The following LINGO2 variants were observed in gnomAD, a reference collection of about 807,000 sequenced individuals.
LINGO2 encodes leucine-rich repeat and immunoglobulin-like domain-containing nogo receptor-interacting protein 2.
In LINGO2, 14 loss-of-function variants were observed where a neutral mutation model predicts 30.6. That is an observed-to-expected ratio of 0.46 (90% CI 0.30 to 0.72). The LOEUF is 0.72. Among genes scored for constraint, LINGO2 ranks in the 30% least tolerant of loss-of-function variants. LINGO2 has a pLI of 0.07. For synonymous variants in LINGO2, 317 were observed against 288.5 expected, an observed-to-expected ratio of 1.10 and a Z score of -1.00; for missense variants, 729 against 751.7, an observed-to-expected ratio of 0.97 and a Z score of 0.35.
the LINGO2 span, among the ~76,000 whole-genome samples, chr9:29,107,119 C>T: frequency 3.9e-5 from 6 of 152,038 alleles, no homozygotes; most frequent in Non-Finnish European, 8.8e-5. Context: ...TATGTAACAT[C>T]ACATAAATAA....
the LINGO2 span, among the ~76,000 whole-genome samples, chr9:28,761,091 G>A: frequency 5.7e-4 from 86 of 151,682 alleles, 2 homozygotes; most frequent in South Asian, 0.016. Context: ...TATCTTTTTC[G>A]AATAATGACT....
chr9:28,223,873 T>C (rs1821051523), intron 4 of LINGO2, among the ~76,000 whole-genome samples: 1 of 152,168 alleles, frequency 6.6e-6, no homozygotes, highest in Non-Finnish European at 1.5e-5. Context: ...TCAAGAGTAT[T>C]TAGCCCCCAA....
At chr9:28,590,500 T>C (rs977958138) in intron 1 of LINGO2, among the ~76,000 whole-genome samples, 6 of 151,786 alleles carry the variant, frequency 4.0e-5, no homozygotes, top group African/African-American at 7.3e-5. Context: ...GGGCGAAGGA[T>C]ATGAACAGAC....
the LINGO2 span, among the ~76,000 whole-genome samples, chr9:28,918,646 A>G: frequency 7.2e-5 from 11 of 152,214 alleles, no homozygotes; most frequent in Non-Finnish European, 1.5e-4. Context: ...ATTAAAATGT[A>G]TTAAAATGGA....
chr9:29,211,118 T>G, the LINGO2 span, among the ~76,000 whole-genome samples: 1 of 152,188 alleles, frequency 6.6e-6, no homozygotes, highest in African/African-American at 2.4e-5. Context: ...ATTCTAAATA[T>G]TCGTCTTTGT....
At chr9:28,226,436 G>T (rs1036474519) in intron 4 of LINGO2, among the ~76,000 whole-genome samples, 1 of 151,840 alleles carries the variant, frequency 6.6e-6, no homozygotes, top group African/African-American at 2.4e-5. Flanking sequence ...ATGCACGTCT[G>T]CTATATTAAT....
At chr9:28,647,103 C>T (rs988291492) in intron 1 of LINGO2, among the ~76,000 whole-genome samples, 1 of 152,090 alleles carries the variant, frequency 6.6e-6, no homozygotes, top group Admixed American at 6.6e-5. Context: ...GCCACTGCTG[C>T]CTCTACTGCT....
In LINGO2 at chr9:27,981,534, C is replaced by CAAAAAAAAAAAAAAAAAAAAAAAAAAAAA. The variant is rs763284293; in HGVS notation, c.-36+30820_-36+30821insTTTTTTTTTTTTTTTTTTTTTTTTTTTTT. Among the ~76,000 whole-genome samples the CAAAAAAAAAAAAAAAAAAAAAAAAAAAAA allele has an allele frequency of 7.8e-4, 31 of 39,840 alleles. 1 individual carries two copies. Among genetic ancestry groups the CAAAAAAAAAAAAAAAAAAAAAAAAAAAAA allele is most frequent in the Non-Finnish European group, 9.6e-4 (18 of 18,702 alleles). The allele number at this position is 39,840 out of a possible 152,430, so 26.1% of individuals were successfully genotyped here. On this transcript the variant is annotated intron_variant, in intron 5 of 5. Coordinates refer to ENST00000379992, the Ensembl canonical transcript of LINGO2. ...ATGAAAGGATAAATGACGAGGATGG[C>CAAAAAAAAAAAAAAAAAAAAAAAAAAAAA]AAAAAAAAAAAAAAAAGAAAAAAAA...
At chr9:28,773,858 C>T in the LINGO2 span, among the ~76,000 whole-genome samples, 1 of 152,084 alleles carries the variant, frequency 6.6e-6, no homozygotes, top group South Asian at 2.1e-4. Flanking sequence ...TCCTGTGAAA[C>T]TCACGCTACA....
At chr9:28,990,499 G>A in the LINGO2 span, among the ~76,000 whole-genome samples, 1 of 152,206 alleles carries the variant, frequency 6.6e-6, no homozygotes, top group Non-Finnish European at 1.5e-5. Flanking sequence ...TTTGAAGAGA[G>A]CAGTGGTTCT....
the LINGO2 span, among the ~76,000 whole-genome samples, chr9:28,687,953 G>C: frequency 6.6e-6 from 1 of 152,140 alleles, no homozygotes; most frequent in Non-Finnish European, 1.5e-5. Context: ...GAATGGGAAA[G>C]AGGAGAAATG....
intron 4 of LINGO2, among the ~76,000 whole-genome samples, chr9:28,142,790 C>G (rs1827710086): frequency 6.6e-6 from 1 of 152,144 alleles, no homozygotes; most frequent in African/African-American, 2.4e-5. Flanking sequence ...TTTCATTGAT[C>G]TGGCTCCCTG....
At chr9:29,082,744 C>A in the LINGO2 span, among the ~76,000 whole-genome samples, 3 of 151,904 alleles carry the variant, frequency 2.0e-5, no homozygotes, top group African/African-American at 7.3e-5. Flanking sequence ...AGAAAAAAAA[C>A]AATCAAACCC....
At chr9:28,562,089 T>C (rs1467844900) in intron 1 of LINGO2, among the ~76,000 whole-genome samples, 1 of 151,866 alleles carries the variant, frequency 6.6e-6, no homozygotes, top group Non-Finnish European at 1.5e-5. Flanking sequence ...TCTGCAGAGA[T>C]TGCAGGGAAC....
At chr9:28,045,309 T>G (rs1216125703) in intron 4 of LINGO2, among the ~76,000 whole-genome samples, 1 of 150,792 alleles carries the variant, frequency 6.6e-6, no homozygotes, top group African/African-American at 2.5e-5. Flanking sequence ...AGAGGGAGAG[T>G]TAAACTTTGA....
At chr9:27,951,118 G>T (rs557619424) in intron 5 of LINGO2, among the ~76,000 whole-genome samples, 187 of 152,216 alleles carry the variant, frequency 1.2e-3, no homozygotes, top group African/African-American at 4.2e-3. Flanking sequence ...AATCAGTGTC[G>T]GCATCACTAA....
chr9:29,135,453 GA>G, the LINGO2 span, among the ~76,000 whole-genome samples: 1 of 151,780 alleles, frequency 6.6e-6, no homozygotes, highest in Non-Finnish European at 1.5e-5. Flanking sequence ...AGCTACTTGG[GA>G]GGCTGAGGCA....
At chr9:28,309,433 G>T (rs912592949) in intron 3 of LINGO2, among the ~76,000 whole-genome samples, 2 of 151,388 alleles carry the variant, frequency 1.3e-5, no homozygotes, top group African/African-American at 2.4e-5. Context: ...GGACTGTTGT[G>T]GGGTGGCGGG....
chr9:28,053,512 T>C (rs1490009598), intron 4 of LINGO2, among the ~76,000 whole-genome samples: 1 of 152,122 alleles, frequency 6.6e-6, no homozygotes, highest in African/African-American at 2.4e-5. Flanking sequence ...GAAGCCTTAA[T>C]TGATGATGCT....
Sources: allele counts gnomAD v4.1 joint callset (sites outside exome capture counted in the v4.1 genomes callset), GRCh38; gene constraint gnomAD v4.1.1; transcripts MANE v1.5; gene names NCBI Gene and HGNC (gene_info 2026-07-23, HGNC 2026-07-21).